FRMD4B: variants seen among roughly 807,000 people sequenced by gnomAD.
The protein encoded by FRMD4B is FERM domain containing 4B.
FRMD4B carries 74 observed loss-of-function variants against 141.5 expected under a neutral mutation model. The ratio of observed to expected loss-of-function variants is 0.52; its 90% CI spans 0.43 to 0.63. FRMD4B has a LOEUF of 0.63. Ranked by LOEUF, FRMD4B falls within the 30% of genes least tolerant of loss-of-function variation. The pLI is 0.00. For missense variants in FRMD4B, 1,366 were observed against 1,253.4 expected, an observed-to-expected ratio of 1.09 and a Z score of -1.36; for synonymous variants, 506 against 467.9, an observed-to-expected ratio of 1.08 and a Z score of -1.05.
At chr3:69,339,760 C>T (rs965749074) in intron 1 of FRMD4B, among the ~76,000 whole-genome samples, 2 of 152,270 alleles carry the variant, frequency 1.3e-5, no homozygotes, top group Middle Eastern at 3.4e-3. Flanking sequence ...AGGCAGGCTG[C>T]TCTCCATATC....
chr3:69,343,865 C>G (rs1371208702), intron 1 of FRMD4B, among the ~76,000 whole-genome samples: 1 of 152,098 alleles, frequency 6.6e-6, no homozygotes, highest in East Asian at 1.9e-4. Flanking sequence ...CAGGCGTGAA[C>G]CACCACACCC....
chr3:69,368,287 C>T (rs757304016), intron 1 of FRMD4B, among the ~76,000 whole-genome samples: 21 of 152,202 alleles, frequency 1.4e-4, no homozygotes, highest in Non-Finnish European at 8.8e-5. Context: ...CATTGGAACT[C>T]ATACCACCTG....
At chr3:69,242,975 C>A (rs899988759) in intron 7 of FRMD4B, among the ~76,000 whole-genome samples, 9 of 131,978 alleles carry the variant, frequency 6.8e-5, no homozygotes, top group African/African-American at 2.3e-4. Flanking sequence ...GCCTGGGCAA[C>A]GAGAGTGAAA....
intron 4 of FRMD4B, among the ~76,000 whole-genome samples, chr3:69,298,463 G>C (rs1400432612): frequency 6.6e-6 from 1 of 152,176 alleles, no homozygotes; most frequent in African/African-American, 2.4e-5. Flanking sequence ...CCAGCAGCCA[G>C]AGTGAGTCTG....
intron 1 of FRMD4B, among the ~76,000 whole-genome samples, chr3:69,452,912 C>T (rs959198890): frequency 6.6e-6 from 1 of 152,158 alleles, no homozygotes; most frequent in Non-Finnish European, 1.5e-5. Flanking sequence ...ATAGCCAAAA[C>T]ATTATTATTT....
intron 1 of FRMD4B, among the ~76,000 whole-genome samples, chr3:69,512,328 G>T (rs1255031734): frequency 6.6e-6 from 1 of 152,106 alleles, no homozygotes; most frequent in Non-Finnish European, 1.5e-5. Flanking sequence ...AAAGAAGAAA[G>T]CCAACACTTT....
At chr3:69,415,184 C>G (rs1216894394) in intron 2 of FRMD4B, among the ~76,000 whole-genome samples, 1 of 152,088 alleles carries the variant, frequency 6.6e-6, no homozygotes, top group Non-Finnish European at 1.5e-5. Context: ...CTTTTTAAGG[C>G]ATTGACCACT....
chr3:69,452,458 G>C (rs1466112229), intron 1 of FRMD4B, among the ~76,000 whole-genome samples: 2 of 152,220 alleles, frequency 1.3e-5, no homozygotes, highest in Non-Finnish European at 2.9e-5. Flanking sequence ...TTCCTTATCT[G>C]TGAAACAAAG....
chr3:69,348,554 T>C (rs1703027186), intron 1 of FRMD4B, among the ~76,000 whole-genome samples: 1 of 152,096 alleles, frequency 6.6e-6, no homozygotes, highest in African/African-American at 2.4e-5. Context: ...TAGACCAATA[T>C]CCCTGATGAA....
chr3:69,411,653 G>C (rs1025637766), intron 2 of FRMD4B, among the ~76,000 whole-genome samples: 1 of 152,196 alleles, frequency 6.6e-6, no homozygotes, highest in African/African-American at 2.4e-5. Context: ...CTGATCTCCT[G>C]TCTAGGGAAA....
At chr3:69,188,276 T>C (rs1388052899) in intron 18 of FRMD4B, among the ~76,000 whole-genome samples, 4 of 152,208 alleles carry the variant, frequency 2.6e-5, no homozygotes, top group Admixed American at 6.5e-5. Flanking sequence ...TGGATCATTT[T>C]TGTTCACCTT....
chr3:69,281,838 A>ATATAT (rs59097815), intron 5 of FRMD4B, among the ~76,000 whole-genome samples: 17,779 of 127,650 alleles, frequency 0.14, 1,550 homozygotes, highest in East Asian at 0.33. Flanking sequence ...AAAAAAAAAA[A>ATATAT]ATATATATAT....
intron 5 of FRMD4B, among the ~76,000 whole-genome samples, chr3:69,253,181 C>T (rs1260736028): frequency 3.0e-4 from 36 of 121,958 alleles, no homozygotes; most frequent in African/African-American, 9.8e-4. Context: ...AATATGATTC[C>T]TATTTTTTTT....
chr3:69,438,129 G>A lies in FRMD4B; in HGVS notation c.-128-5368C>T, dbSNP rs575004604. On this transcript the variant is annotated intron_variant, in intron 1 of 5. Coordinates refer to the FRMD4B transcript ENST00000459638. ...ATATACATATATACTGTCAAGATAG[G>A]GTCTCGCCCTGTCACCCAGGCTGGA... is the stretch of plus-strand genomic sequence containing the variant. 3.8e-4 allele frequency among the ~76,000 whole-genome samples: 56 copies of A among 148,674 alleles called. 1 individual carries two copies. Among genetic ancestry groups the A allele is most frequent in the Middle Eastern group, 6.9e-3 (2 of 288 alleles).
At chr3:69,222,042 T>C (rs1204854237) in intron 8 of FRMD4B, 119 bp from the exon 9 acceptor site, 15 of 679,878 alleles carry the variant, frequency 2.2e-5, no homozygotes, top group African/African-American at 8.9e-5. Flanking sequence ...ACCAACTTGT[T>C]TGGTAGATAG....
chr3:69,246,708 C>T (rs879450026), intron 7 of FRMD4B, among the ~76,000 whole-genome samples: 5 of 152,222 alleles, frequency 3.3e-5, no homozygotes, highest in African/African-American at 4.8e-5. Context: ...TGCCAGTCTG[C>T]GTGATTTCCA....
In FRMD4B at chr3:69,277,810, G is replaced by A. The variant is rs556716707; in HGVS notation, c.501+9942C>T. On this transcript the variant is annotated intron_variant, in intron 5 of 22. Coordinates refer to ENST00000398540, the MANE Select transcript of FRMD4B (RefSeq NM_015123.3). ...CTCCCAAAGTGATGGGATTACAGGCGTGAGCCACAGCGCCCGTCCATTGAA... is the reference window on the plus strand; with the variant it reads ...CTCCCAAAGTGATGGGATTACAGGCATGAGCCACAGCGCCCGTCCATTGAA... 7.8e-5 allele frequency among the ~76,000 whole-genome samples: 11 copies of A among 140,286 alleles called. No homozygotes were observed. The East Asian group carries it at 2.4e-3, about 30-fold the overall frequency. 92.0% of individuals were successfully genotyped at this position (140,286 alleles called of 152,430 possible).
intron 1 of FRMD4B, among the ~76,000 whole-genome samples, chr3:69,324,633 C>A (rs1375407957): frequency 6.6e-6 from 1 of 152,182 alleles, no homozygotes; most frequent in Admixed American, 6.5e-5. Flanking sequence ...CTTTTGAGAA[C>A]AACTGCTTTA....
intron 11 of FRMD4B, among the ~76,000 whole-genome samples, chr3:69,201,422 T>C (rs993467535): frequency 6.6e-6 from 1 of 152,134 alleles, no homozygotes; most frequent in Non-Finnish European, 1.5e-5. Flanking sequence ...ACTCTTGGAA[T>C]TTCTCAAAAT....
Sources: allele counts gnomAD v4.1 joint callset (sites outside exome capture counted in the v4.1 genomes callset), GRCh38; gene constraint gnomAD v4.1.1; transcripts MANE v1.5; gene names NCBI Gene and HGNC (gene_info 2026-07-23, HGNC 2026-07-21).